The following GCC1 variants were observed in gnomAD, a reference collection of about 807,000 sequenced individuals.
The protein encoded by GCC1 is GRIP and coiled-coil domain-containing protein 1.
A neutral mutation model predicts 62.5 loss-of-function variants in GCC1; 36 were observed. That is an observed-to-expected ratio of 0.58 (90% CI 0.44 to 0.76). GCC1 has a LOEUF of 0.76. Among genes scored for constraint, GCC1 ranks in the 30% least tolerant of loss-of-function variants. The pLI, the probability that GCC1 is intolerant of heterozygous loss-of-function variation, is 0.00. For synonymous variants in GCC1, 391 were observed against 386.8 expected (o/e 1.01, Z -0.13); for missense variants, 885 against 948.3 (o/e 0.93, Z 0.88).
In GCC1 at chr7:127,585,207, C is replaced by G. The variant is rs759685299; in HGVS notation, c.-25G>C. The stretch of plus-strand genomic sequence containing the variant: ...TGGAGGGTCTGAACGGATTGCCCCA[C>G]GTCAGCTTTCCAGCAGAACGGGAGA... On this transcript the variant is annotated 5_prime_UTR_variant, in exon 1 of 2. Transcript: ENST00000321407. 2 of 1,544,556 alleles carry G rather than the reference C, an allele frequency of 1.3e-6. No individual in the cohort carries two copies. Among genetic ancestry groups the G allele is most frequent in the South Asian group, 1.2e-5 (1 of 80,748 alleles).
rs762724371 is a variant in GCC1 at position 127,582,147 on chromosome 7, G to A, written c.2195C>T (p.Thr732Ile). The change falls in exon 2 of 2, where the codon ACC (threonine) becomes ATC (isoleucine). Residue 732 changes from threonine to isoleucine, a missense_variant. By Grantham distance (89) the Thr-to-Ile change is moderately conservative (BLOSUM62 -1). Coordinates refer to ENST00000321407, the MANE Select transcript of GCC1 (RefSeq NM_024523.6). The surrounding 1 kb of genome is among the most constrained non-coding windows in gnomAD (Gnocchi z 4.8). ...CTGGCGGCCCAGGGAGTCAGGTAAG[G>A]TCAGGAAGCGGTAGATGATGTTTTT... ...YLKNIIYRFL[T>I]LPDSLGRQQT... 1 of 1,614,182 alleles carries A rather than the reference G, an allele frequency of 6.2e-7. No homozygotes were observed. The highest frequency in any genetic ancestry group is 1.1e-5 in the South Asian group (1 of 91,082).
chr7:127,583,224 A>T lies in GCC1; in HGVS notation c.1118T>A (p.Val373Glu). 6.2e-7 allele frequency: 1 copy of T among 1,613,298 alleles called. No homozygotes were observed. Among genetic ancestry groups the T allele is most frequent in the South Asian group, 1.1e-5 (1 of 91,048 alleles). The change falls in exon 2 of 2, where the codon GTG becomes GAG. Residue 373 changes from valine (V) to glutamate (E), a missense_variant. Val to Glu is a moderately radical substitution (Grantham distance 121). Coordinates refer to ENST00000321407, the MANE Select transcript of GCC1 (RefSeq NM_024523.6). The part of the protein sequence containing the change: ...VAALENQISE[V>E]SELLGTYEKA... ...CTCGTAGGTGCCTAGCAGCTCAGACACCTCGGATATTTGATTCTCCAGGGC... is the reference window on the plus strand; with the variant it reads ...CTCGTAGGTGCCTAGCAGCTCAGACTCCTCGGATATTTGATTCTCCAGGGC...
intron 1 of GCC1, among the ~76,000 whole-genome samples, chr7:127,583,598 C>T (rs1004350943): frequency 7.2e-5 from 11 of 152,130 alleles, no homozygotes; most frequent in Admixed American, 1.3e-4. Flanking sequence ...TCAGGTGCTT[C>T]CTCAAATCCT....
At chr7:127,583,336 T>A in intron 1 of GCC1, 27 bp from the exon 2 acceptor site, 1 of 1,539,094 alleles carries the variant, frequency 6.5e-7, no homozygotes, top group Non-Finnish European at 8.8e-7. Context: ...CAGACAAAAA[T>A]GCATCCACAA....
At position 127,584,440 on chromosome 7, in the gene GCC1, C is replaced by T. The variant is rs1480934661; in HGVS notation, c.743G>A (p.Arg248His). ...CTCCTGCAGCAGCTTCTGGAGCTCA[C>T]GCAGCATCAAGGCATGGTCACTCTG... ...QEQSDHALML[R>H]ELQKLLQEER... Residue 248 changes from arginine (R) to histidine (H), a missense_variant, in exon 1 of 2, where the codon CGT becomes CAT. Arg to His is a conservative substitution (Grantham distance 29). Coordinates refer to ENST00000321407, the MANE Select transcript of GCC1 (RefSeq NM_024523.6). 4 of 1,614,020 alleles carry T rather than the reference C, an allele frequency of 2.5e-6. No homozygotes were observed. Among genetic ancestry groups the T allele is most frequent in the African/African-American group, 1.3e-5 (1 of 74,978 alleles).
At position 127,585,446 on chromosome 7, in the gene GCC1, G is replaced by C. The variant is rs1013810242; in HGVS notation, c.-264C>G. On this transcript the variant is annotated 5_prime_UTR_variant, in exon 1 of 2. Transcript: ENST00000321407. ...GGCACCAGAGGTGCGCACTGCCAGG[G>C]CTCGTTAGCGCTGGCCCAGAAGCCG... is the stretch of plus-strand genomic sequence containing the variant. 2.1e-6 allele frequency: 1 copy of C among 484,936 alleles called. No individual in the cohort carries two copies. Among genetic ancestry groups the C allele is most frequent in the African/African-American group, 2.0e-5 (1 of 50,676 alleles). The allele number at this position is 484,936 out of a possible 1,614,324, so 30.0% of individuals were successfully genotyped here.
rs568205375 is a variant in GCC1, at chr7:127,582,522, C to A, written c.1820G>T (p.Arg607Leu). The change falls in exon 2 of 2, where the codon CGT (arginine) becomes CTT (leucine). Residue 607 changes from arginine (R) to leucine (L), a missense_variant. Coordinates refer to ENST00000321407, the MANE Select transcript of GCC1 (RefSeq NM_024523.6). The surrounding 1 kb of genome is among the most constrained non-coding windows in gnomAD (Gnocchi z 4.8). ...TEKDLELEQL[R>L]SVALASGLPG... ...CAGCCCAGAGGCCAAGGCCACAGAACGCAGTTGCTCCAGTTCCAAGTCCTT... is the reference window on the plus strand; with the variant it reads ...CAGCCCAGAGGCCAAGGCCACAGAAAGCAGTTGCTCCAGTTCCAAGTCCTT... 10 of 1,612,762 alleles carry A rather than the reference C, an allele frequency of 6.2e-6. No individual in the cohort carries two copies. The highest frequency in any genetic ancestry group is 5.9e-6 in the Non-Finnish European group (7 of 1,180,026).
In GCC1 at chr7:127,582,873, T is replaced by C; in HGVS notation, c.1469A>G (p.Glu490Gly). 6.2e-7 allele frequency: 1 copy of C among 1,614,176 alleles called. No individual in the cohort carries two copies. Among genetic ancestry groups the C allele is most frequent in the Non-Finnish European group, 8.5e-7 (1 of 1,180,028 alleles). Reference sequence around the variant, plus strand: ...TCTCATCTTGTACCTCTCAAACTCTTCCTTCAGCTGTTTCAGCTCCTGTTG... The same window carrying C: ...TCTCATCTTGTACCTCTCAAACTCTCCCTTCAGCTGTTTCAGCTCCTGTTG... ...YYQQELKQLKEEFERYKMRAQ... is the reference protein window; with the variant it reads ...YYQQELKQLKGEFERYKMRAQ... The change falls in exon 2 of 2, where the codon GAA becomes GGA. Residue 490 changes from glutamate (E) to glycine (G), a missense_variant. Glu to Gly is a moderately conservative substitution (Grantham distance 98). Transcript: ENST00000321407. The surrounding 1 kb of genome is among the most constrained non-coding windows in gnomAD (Gnocchi z 4.8).
chr7:127,584,683 G>A lies in GCC1; in HGVS notation c.500C>T (p.Thr167Ile). The A allele has an allele frequency of 6.2e-7, 1 of 1,614,164 alleles. No individual in the cohort carries two copies. Among genetic ancestry groups the A allele is most frequent in the Non-Finnish European group, 8.5e-7 (1 of 1,180,034 alleles). Residue 167 changes from threonine to isoleucine, a missense_variant, in exon 1 of 2, where the codon ACT becomes ATT. By Grantham distance (89) the Thr-to-Ile change is moderately conservative (BLOSUM62 -1). Coordinates refer to ENST00000321407, the MANE Select transcript of GCC1 (RefSeq NM_024523.6). ...RLHQLKTQLA[T>I]LTSSLATVTQ... is the part of the protein sequence containing the mutation. ...GACTGTAGCCAAAGAACTGGTCAAA[G>A]TAGCCAACTGAGTCTTCAGCTGGTG... is the stretch of plus-strand genomic sequence containing the variant.
rs748729535 is a variant in GCC1 at position 127,583,109 on chromosome 7, T to G, written c.1233A>C (p.Ala411=). 1 of 1,614,196 alleles carries G rather than the reference T, an allele frequency of 6.2e-7. No homozygotes were observed. Among genetic ancestry groups the G allele is most frequent in the Admixed American group, 1.7e-5 (1 of 60,026 alleles). The change falls in exon 2 of 2, where the codon GCA becomes GCC. Residue 411 remains alanine (A), a synonymous_variant. Transcript: ENST00000321407. ...LDLENKTLAL[A]ASSRSPLDSH... is the part of the protein sequence containing the mutation. Reference sequence around the variant, plus strand: ...TGTCTAAAGGGGACCTGCTGGAGGCTGCTAGAGCCAGTGTCTTGTTCTCCA... The same window carrying G: ...TGTCTAAAGGGGACCTGCTGGAGGCGGCTAGAGCCAGTGTCTTGTTCTCCA...
rs535301666 is a variant in GCC1 at position 127,583,206 on chromosome 7, G to A, written c.1136C>T (p.Thr379Ile). Residue 379 changes from threonine to isoleucine, a missense_variant, in exon 2 of 2, where the codon ACC becomes ATC. By Grantham distance (89) the Thr-to-Ile change is moderately conservative. Transcript: ENST00000321407. ...QISEVSELLG[T>I]YEKAKQKDQL... is the part of the protein sequence containing the mutation. Reference sequence around the variant, plus strand: ...GTCCTTCTGCTTGGCTTTCTCGTAGGTGCCTAGCAGCTCAGACACCTCGGA... The same window carrying A: ...GTCCTTCTGCTTGGCTTTCTCGTAGATGCCTAGCAGCTCAGACACCTCGGA... 7.6e-5 allele frequency: 122 copies of A among 1,613,820 alleles called. No individual in the cohort carries two copies. The South Asian group carries it at 1.3e-3, about 17-fold the overall frequency.
At position 127,584,621 on chromosome 7, in the gene GCC1, C is replaced by A; in HGVS notation, c.562G>T (p.Ala188Ser). 6.2e-7 allele frequency: 1 copy of A among 1,614,140 alleles called. No individual in the cohort carries two copies. ...EKSRMEASYL[A>S]DKKKMKQDLE... ...TCCTGTTTCATCTTTTTCTTGTCAG[C>A]CAAGTAAGAAGCCTCCATGCGGGAC... The change falls in exon 1 of 2, where the codon GCT becomes TCT. Residue 188 changes from alanine to serine, a missense_variant. Physicochemically the swap from Ala to Ser is moderately conservative, Grantham distance 99. Transcript: ENST00000321407.
At position 127,585,304 on chromosome 7, in the gene GCC1, C is replaced by G. The variant is rs1359716244; in HGVS notation, c.-122G>C. On this transcript the variant is annotated 5_prime_UTR_variant, in exon 1 of 2. Coordinates refer to ENST00000321407, the MANE Select transcript of GCC1 (RefSeq NM_024523.6). The stretch of plus-strand genomic sequence containing the variant: ...TGTCCGGCGGCGGGCCGCACACCTA[C>G]TCCACCTAGTTATCCCGGACCTAAT... 1 of 907,260 alleles carries G rather than the reference C, an allele frequency of 1.1e-6. No homozygotes were observed. 56.2% of individuals were successfully genotyped at this position (907,260 alleles called of 1,614,324 possible).
At position 127,583,017 on chromosome 7, in the gene GCC1, A is replaced by G. The variant is rs776417081; in HGVS notation, c.1325T>C (p.Leu442Pro). The G allele has an allele frequency of 3.1e-6, 5 of 1,614,052 alleles. No homozygotes were observed. The highest frequency in any genetic ancestry group is 3.4e-6 in the Non-Finnish European group (4 of 1,180,042). ...LKDKMEKLKRLLQVAARKSQV... is the reference protein window; with the variant it reads ...LKDKMEKLKRPLQVAARKSQV... ...GCTTTTCCTGGCCGCAACCTGCAGC[A>G]GCCTCTTCAGCTTCTCCATCTTATC... is the stretch of plus-strand genomic sequence containing the variant. The change falls in exon 2 of 2, where the codon CTG (leucine) becomes CCG (proline). Residue 442 changes from leucine (L) to proline (P), a missense_variant. Coordinates refer to ENST00000321407, the MANE Select transcript of GCC1 (RefSeq NM_024523.6).
rs1424985068 is a variant in GCC1, at chr7:127,582,071, T to C, written c.2271A>G (p.Lys757=). 3.7e-6 allele frequency: 6 copies of C among 1,614,184 alleles called. No homozygotes were observed. Among genetic ancestry groups the C allele is most frequent in the South Asian group, 1.1e-5 (1 of 91,082 alleles). ...TGGTTGGGAGTCGCATTATCACTTG[T>C]TTCTCCTCTGGACTGAAGTGCAAGA... ...LTILHFSPEE[K]QVIMRLPTSA... is the part of the protein sequence containing the mutation. The change falls in exon 2 of 2, where the codon AAA becomes AAG. Residue 757 remains lysine (K), a synonymous_variant. Transcript: ENST00000321407. The surrounding 1 kb of genome is among the most constrained non-coding windows in gnomAD (Gnocchi z 4.8).
At position 127,584,276 on chromosome 7, in the gene GCC1, T is replaced by A. The variant is rs758050190; in HGVS notation, c.907A>T (p.Lys303Ter). Residue 303 changes from lysine to a stop codon, truncating the protein, a stop_gained, in exon 1 of 2, where the codon AAA becomes TAA. Coordinates refer to ENST00000321407, the MANE Select transcript of GCC1 (RefSeq NM_024523.6). LOFTEE classifies it high-confidence loss of function. ...TCTCGAATGGCCTGCAGTTCACTTTTCAGCTCCTCCACCTCACGGGTCAGC... is the reference window on the plus strand; with the variant it reads ...TCTCGAATGGCCTGCAGTTCACTTTACAGCTCCTCCACCTCACGGGTCAGC... ...KQLTREVEEL[K>*]SELQAIRDEK... 1.4e-5 allele frequency: 23 copies of A among 1,613,746 alleles called. No individual in the cohort carries two copies. The highest frequency in any genetic ancestry group is 1.8e-5 in the Non-Finnish European group (21 of 1,179,964).
At position 127,581,814 on chromosome 7, in the gene GCC1, C is replaced by T. The variant is rs1794137155; in HGVS notation, c.*200G>A. 3 of 587,258 alleles carry T rather than the reference C, an allele frequency of 5.1e-6. No individual in the cohort carries two copies. Among genetic ancestry groups the T allele is most frequent in the African/African-American group, 3.7e-5 (2 of 53,628 alleles). 36.4% of individuals were successfully genotyped at this position (587,258 alleles called of 1,614,324 possible). ...ACCATCAGAAGATACTGCCCCAGGA[C>T]TTTCAGTATCTCTAGGGCCTAAGGA... On this transcript the variant is annotated 3_prime_UTR_variant, in exon 2 of 2. Transcript: ENST00000321407.
In GCC1 at chr7:127,584,913, G is replaced by C. The variant is rs1287810880; in HGVS notation, c.270C>G (p.His90Gln). ...TGGCGGTCCCAGTGCTATCCTCGCT[G>C]TGAGTGGAGCACCGGTCATCCACAG... is the stretch of plus-strand genomic sequence containing the variant. ...PDSVDDRCST[H>Q]SEDSTGTATS... is the part of the protein sequence containing the mutation. The change falls in exon 1 of 2, where the codon CAC (histidine) becomes CAG (glutamine). Residue 90 changes from histidine to glutamine, a missense_variant. Physicochemically the swap from His to Gln is conservative, Grantham distance 24. Transcript: ENST00000321407. 1.9e-6 allele frequency: 3 copies of C among 1,614,072 alleles called. No homozygotes were observed. The highest frequency in any genetic ancestry group is 2.5e-6 in the Non-Finnish European group (3 of 1,180,056).
intron 1 of GCC1, 135 bp downstream of exon 1, chr7:127,584,016 A>G: frequency 1.4e-6 from 1 of 733,144 alleles, no homozygotes; most frequent in Non-Finnish European, 2.2e-6. Flanking sequence ...TCCCAGGTTC[A>G]CTAGTGGAAC....
Sources: gnomAD v4.1 joint callset for allele counts (sites outside exome capture counted in the v4.1 genomes callset) on GRCh38, gnomAD v4.1.1 for gene constraint, Gnocchi (gnomAD v3.1) non-coding constraint, MANE v1.5 for transcripts, NCBI Gene and HGNC (gene_info 2026-07-23, HGNC 2026-07-21) for gene names.